Variants in SHPRH observed in about 807,000 individuals in gnomAD.
The protein encoded by SHPRH is E3 ubiquitin-protein ligase SHPRH.
In SHPRH, 106 loss-of-function variants were observed where a neutral mutation model predicts 202.5. The ratio of observed to expected loss-of-function variants is 0.52; its 90% CI spans 0.45 to 0.62. The LOEUF (loss-of-function observed/expected upper bound fraction) is 0.62. Among genes scored for constraint, SHPRH ranks in the 20% least tolerant of loss-of-function variants. SHPRH has a pLI of 0.00. For synonymous variants in SHPRH, 729 were observed against 686.0 expected, an observed-to-expected ratio of 1.06 and a Z score of -0.98; for missense variants, 1,710 against 2,020.0, an observed-to-expected ratio of 0.85 and a Z score of 2.94.
intron 14 of SHPRH, among the ~76,000 whole-genome samples, chr6:145,929,109 G>A (rs919043545): frequency 6.6e-6 from 1 of 151,616 alleles, no homozygotes; most frequent in Non-Finnish European, 1.5e-5. Context: ...TTATCTATTC[G>A]TTATAATACC....
rs1369968854 is a variant in SHPRH at position 145,933,174 on chromosome 6, T to C, written c.2995A>G (p.Met999Val). The C allele has an allele frequency of 1.2e-6, 2 of 1,613,926 alleles. No individual in the cohort carries two copies. Among genetic ancestry groups the C allele is most frequent in the Non-Finnish European group, 1.7e-6 (2 of 1,179,896 alleles). The part of the protein sequence containing the change: ...GEFLPLQKST[M>V]TMEELLTSLQ... ...GATGTCAGCAGCTCTTCCATTGTCATGGTGCTAAAAGAAAAGGTAGACTGT... is the reference window on the plus strand; with the variant it reads ...GATGTCAGCAGCTCTTCCATTGTCACGGTGCTAAAAGAAAAGGTAGACTGT... Residue 999 changes from methionine (M) to valine (V), a missense_variant, in exon 14 of 30, where the codon ATG becomes GTG. Physicochemically the swap from Met to Val is conservative, Grantham distance 21. Transcript: ENST00000275233.
At chr6:145,943,005 T>C (rs1786959500) in intron 9 of SHPRH, 138 bp downstream of exon 9, 1 of 1,025,628 alleles carries the variant, frequency 9.8e-7, no homozygotes, top group Non-Finnish European at 1.4e-6. Context: ...TTTTTTTCTT[T>C]AAGCTTTGAT....
At chr6:145,891,793 T>C (rs1272009498) in intron 28 of SHPRH, among the ~76,000 whole-genome samples, 1 of 152,162 alleles carries the variant, frequency 6.6e-6, no homozygotes, top group African/African-American at 2.4e-5. Context: ...CGAGGCATAG[T>C]AAGATTGTTG....
chr6:145,862,243 C>T (rs1201045754), downstream of SHPRH, among the ~76,000 whole-genome samples: 2 of 151,674 alleles, frequency 1.3e-5, no homozygotes, highest in South Asian at 2.1e-4. Context: ...AGGCGGATCA[C>T]GAGGTCAGGA....
intron 23 of SHPRH, among the ~76,000 whole-genome samples, chr6:145,915,256 T>C (rs986145323): frequency 4.0e-5 from 6 of 150,626 alleles, no homozygotes; most frequent in Non-Finnish European, 5.9e-5. Flanking sequence ...TCTGCTTACC[T>C]CTTTCCTTTG....
At chr6:145,956,914 C>T (rs138060334) in intron 1 of SHPRH, among the ~76,000 whole-genome samples, 1 of 152,130 alleles carries the variant, frequency 6.6e-6, no homozygotes, top group East Asian at 1.9e-4. Context: ...AAAATTTATA[C>T]TAAAATGCCT....
chr6:145,910,395 T>C (rs763177774), intron 25 of SHPRH, 53 bp downstream of exon 25: 100 of 1,574,022 alleles, frequency 6.4e-5, no homozygotes, highest in Middle Eastern at 3.4e-4. Flanking sequence ...AGATACTGCT[T>C]CCTATATTAT....
At chr6:145,943,832 G>C in intron 8 of SHPRH, 30 bp from the exon 9 acceptor site, 2 of 1,516,742 alleles carry the variant, frequency 1.3e-6, no homozygotes, top group Non-Finnish European at 1.8e-6. Flanking sequence ...TTAATTGATT[G>C]CAACTAGTTG....
At chr6:145,871,728 T>C (rs1450085735) in intron 2 of SHPRH, among the ~76,000 whole-genome samples, 1 of 152,122 alleles carries the variant, frequency 6.6e-6, no homozygotes, top group Non-Finnish European at 1.5e-5. Flanking sequence ...AAAAAGAGCC[T>C]GAATACTGAA....
At chr6:145,947,365 C>A in intron 6 of SHPRH, 128 bp downstream of exon 6, 8 of 1,065,536 alleles carry the variant, frequency 7.5e-6, no homozygotes, top group Non-Finnish European at 9.1e-6. Context: ...TAACTAACCA[C>A]TAATATAAAT....
intron 23 of SHPRH, among the ~76,000 whole-genome samples, chr6:145,914,575 G>A (rs994489397): frequency 6.6e-6 from 1 of 152,086 alleles, no homozygotes; most frequent in African/African-American, 2.4e-5. Context: ...TACGAAAAAA[G>A]GCAGCGGGCT....
intron 25 of SHPRH, chr6:145,904,302 T>C (rs994209099): frequency 6.6e-6 from 1 of 152,064 alleles, no homozygotes; most frequent in Non-Finnish European, 1.5e-5. Context: ...AAAAAATTAC[T>C]TGTCAGTATT....
chr6:145,925,001 C>T (rs547854761), intron 16 of SHPRH, among the ~76,000 whole-genome samples, 155 bp from the exon 17 acceptor site: 20 of 151,834 alleles, frequency 1.3e-4, no homozygotes, highest in Middle Eastern at 3.4e-3. Flanking sequence ...ATAAAAGTCA[C>T]GCTAAAAATT....
At chr6:145,878,676 C>T (rs1780416261) in intron 2 of SHPRH, among the ~76,000 whole-genome samples, 1 of 152,110 alleles carries the variant, frequency 6.6e-6, no homozygotes, top group Non-Finnish European at 1.5e-5. Flanking sequence ...GGAGGAAAAC[C>T]CATGACTTTT....
At chr6:145,928,310 G>A (rs1582724721) in intron 14 of SHPRH, among the ~76,000 whole-genome samples, 1 of 152,000 alleles carries the variant, frequency 6.6e-6, no homozygotes, top group East Asian at 1.9e-4. Context: ...CTTAACTGCT[G>A]CTTGTAAAAT....
Position 145,935,073 on chromosome 6 carries a change from A to G in SHPRH, c.2824T>C (p.Cys942Arg), listed in dbSNP as rs1785921928. 6.2e-7 allele frequency: 1 copy of G among 1,613,958 alleles called. No individual in the cohort carries two copies. The highest frequency in any genetic ancestry group is 8.5e-7 in the Non-Finnish European group (1 of 1,179,980). The change falls in exon 13 of 30, where the codon TGC (cysteine) becomes CGC (arginine). Residue 942 changes from cysteine to arginine, a missense_variant. Coordinates refer to ENST00000275233, the MANE Select transcript of SHPRH (RefSeq NM_001042683.3). ...HFYHRQHEVC[C>R]QDVVVKLRKI... ...CTGAGTTTTACCACCACATCCTGGCAGCACACCTCATGCTGACGGTGATAG... is the reference window on the plus strand; with the variant it reads ...CTGAGTTTTACCACCACATCCTGGCGGCACACCTCATGCTGACGGTGATAG...
intron 25 of SHPRH, chr6:145,906,858 T>G (rs1783007446): frequency 6.6e-6 from 1 of 152,212 alleles, no homozygotes. Flanking sequence ...TAGTCCACAT[T>G]GTAGTTGATC....
chr6:145,931,110 TTTGCATCTTTAAATATA>T (rs1785393643), intron 14 of SHPRH, among the ~76,000 whole-genome samples: 1 of 152,122 alleles, frequency 6.6e-6, no homozygotes, highest in Admixed American at 6.6e-5. Flanking sequence ...TCCTCTTACA[TTTGCATCTTTAAATATA>T]AAGTAGGTTT....
At chr6:145,900,572 T>C (rs966847403) in intron 25 of SHPRH, among the ~76,000 whole-genome samples, 6 of 152,226 alleles carry the variant, frequency 3.9e-5, no homozygotes, top group African/African-American at 1.4e-4. Context: ...TAAAGATCTA[T>C]TATACAGCAT....
Sources: gnomAD v4.1 joint callset for allele counts (sites outside exome capture counted in the v4.1 genomes callset) on GRCh38, gnomAD v4.1.1 for gene constraint, MANE v1.5 for transcripts, NCBI Gene and HGNC (gene_info 2026-07-23, HGNC 2026-07-21) for gene names.